ERC2: variants seen among roughly 807,000 people sequenced by gnomAD.
ERC2 encodes the protein ERC protein 2.
ERC2 carries 42 observed loss-of-function variants against 114.8 expected under a neutral mutation model. That is an observed-to-expected ratio of 0.37 (90% confidence interval 0.29 to 0.47). The LOEUF is 0.47. ERC2 is among the 20% of genes least tolerant of loss of function. The pLI is 0.99. For missense variants in ERC2, 939 were observed against 1,150.7 expected (o/e 0.82, Z 2.66); for synonymous variants, 454 against 425.5 (o/e 1.07, Z -0.82).
intron 14 of ERC2, among the ~76,000 whole-genome samples, chr3:55,736,397 T>C (rs1168639042): frequency 2.6e-5 from 4 of 152,214 alleles, no homozygotes. Context: ...TTTGCCTTTC[T>C]ATGCTTTTGC....
intron 2 of ERC2, among the ~76,000 whole-genome samples, chr3:56,408,091 A>G (rs2107063557): frequency 6.6e-6 from 1 of 152,242 alleles, no homozygotes; most frequent in Middle Eastern, 3.4e-3. Context: ...GTGAAGAAAT[A>G]ATGTCCACCT....
At chr3:55,717,139 C>G (rs1229032396) in intron 15 of ERC2, among the ~76,000 whole-genome samples, 1 of 152,196 alleles carries the variant, frequency 6.6e-6, no homozygotes, top group East Asian at 1.9e-4. Context: ...GGTAATCTAA[C>G]TATTTTAAAC....
At chr3:56,105,414 G>T (rs150353446) in intron 6 of ERC2, among the ~76,000 whole-genome samples, 24 of 152,188 alleles carry the variant, frequency 1.6e-4, no homozygotes, top group African/African-American at 5.8e-4. Flanking sequence ...CTGGGCTCAA[G>T]CTATCCTCCC....
intron 6 of ERC2, among the ~76,000 whole-genome samples, chr3:56,125,128 C>T (rs779068478): frequency 5.9e-5 from 9 of 152,148 alleles, no homozygotes; most frequent in Non-Finnish European, 8.8e-5. Context: ...ATTGAATCTG[C>T]TTCAGCCTGG....
intron 1 of ERC2, among the ~76,000 whole-genome samples, chr3:56,448,242 C>G (rs1366873107): frequency 6.6e-6 from 1 of 152,160 alleles, no homozygotes; most frequent in Non-Finnish European, 1.5e-5. Flanking sequence ...ATTATAAACC[C>G]CTACACTGCA....
chr3:56,095,845 G>A (rs1343961909), intron 6 of ERC2, among the ~76,000 whole-genome samples: 1 of 152,148 alleles, frequency 6.6e-6, no homozygotes, highest in Non-Finnish European at 1.5e-5. Flanking sequence ...AATTATCCAT[G>A]GTGGTACATA....
intron 13 of ERC2, among the ~76,000 whole-genome samples, chr3:55,922,647 T>C (rs2065494567): frequency 6.6e-6 from 1 of 152,164 alleles, no homozygotes; most frequent in South Asian, 2.1e-4. Context: ...ACAGAGATCC[T>C]ACGTAACTGT....
At chr3:55,662,913 G>A (rs775845292) in intron 17 of ERC2, among the ~76,000 whole-genome samples, 1 of 152,214 alleles carries the variant, frequency 6.6e-6, no homozygotes. Context: ...CATGCTGAAT[G>A]AGAGAGGGCT....
At chr3:56,147,995 T>C (rs910334725) in intron 5 of ERC2, among the ~76,000 whole-genome samples, 51 of 152,188 alleles carry the variant, frequency 3.4e-4, no homozygotes, top group Admixed American at 1.4e-3. Flanking sequence ...CAGGTTACTC[T>C]AGAATATTTT....
intron 3 of ERC2, among the ~76,000 whole-genome samples, chr3:56,201,285 G>A (rs1398719882): frequency 3.9e-5 from 6 of 152,126 alleles, no homozygotes; most frequent in Non-Finnish European, 8.8e-5. Flanking sequence ...TCCCTTCTGT[G>A]TCACATACAG....
intron 13 of ERC2, among the ~76,000 whole-genome samples, chr3:55,917,650 G>T (rs2065179639): frequency 6.6e-6 from 1 of 152,154 alleles, no homozygotes; most frequent in East Asian, 1.9e-4. Context: ...GGAAGGGCAG[G>T]GGGAGTGTGG....
intron 3 of ERC2, among the ~76,000 whole-genome samples, chr3:56,264,238 C>T (rs2053139843): frequency 6.6e-6 from 1 of 152,136 alleles, no homozygotes; most frequent in Non-Finnish European, 1.5e-5. Flanking sequence ...CCTTAAGATT[C>T]CATATAGGGC....
chr3:56,176,538 G>C (rs1217865580), intron 3 of ERC2, among the ~76,000 whole-genome samples: 2 of 152,082 alleles, frequency 1.3e-5, no homozygotes, highest in Non-Finnish European at 2.9e-5. Context: ...CTTACCCTCT[G>C]TGTCACTCCT....
intron 3 of ERC2, among the ~76,000 whole-genome samples, chr3:56,248,061 T>A (rs1234178499): frequency 6.6e-6 from 1 of 152,210 alleles, no homozygotes; most frequent in Non-Finnish European, 1.5e-5. Context: ...AATTTTTTCA[T>A]TCCTACCAAT....
chr3:55,788,959 A>G (rs1025367031), intron 14 of ERC2, among the ~76,000 whole-genome samples: 1 of 152,130 alleles, frequency 6.6e-6, no homozygotes, highest in African/African-American at 2.4e-5. Context: ...CACCTCCCAA[A>G]AGGGGTAACC....
At chr3:55,830,732 C>T (rs1390181413) in intron 14 of ERC2, among the ~76,000 whole-genome samples, 1 of 152,040 alleles carries the variant, frequency 6.6e-6, no homozygotes, top group African/African-American at 2.4e-5. Context: ...TGACTTGAAC[C>T]CAGGAGTCTG....
chr3:55,511,394 T>C (rs1485280005), intron 17 of ERC2, 118 bp from the exon 18 acceptor site: 1 of 149,896 alleles, frequency 6.7e-6, no homozygotes, highest in Non-Finnish European at 1.5e-5. Context: ...CCACTCTCAA[T>C]GGTTGGGGTT....
intron 17 of ERC2, among the ~76,000 whole-genome samples, chr3:55,572,179 C>T (rs1177750626): frequency 1.3e-5 from 2 of 152,216 alleles, no homozygotes; most frequent in Non-Finnish European, 2.9e-5. Flanking sequence ...GGCCAGGGAG[C>T]GTCGCCTTTT....
At chr3:55,839,923 A>T (rs1484184388) in intron 14 of ERC2, among the ~76,000 whole-genome samples, 2 of 152,086 alleles carry the variant, frequency 1.3e-5, no homozygotes, top group Non-Finnish European at 2.9e-5. Flanking sequence ...GCAAGACTCA[A>T]ATATATGCAG....
Sources: allele counts gnomAD v4.1 joint callset (sites outside exome capture counted in the v4.1 genomes callset), GRCh38; gene constraint gnomAD v4.1.1; transcripts MANE v1.5; gene names NCBI Gene and HGNC (gene_info 2026-07-23, HGNC 2026-07-21).